The following PLCB1 variants were observed in gnomAD, a reference collection of about 807,000 sequenced individuals.
The protein encoded by PLCB1 is phospholipase C beta 1.
A neutral mutation model predicts 161.8 loss-of-function variants in PLCB1; 46 were observed. The observed-to-expected ratio is 0.28, with a 90% CI of 0.22 to 0.36. The LOEUF (loss-of-function observed/expected upper bound fraction) is 0.36, where lower values mean the gene tolerates loss of function less well. Ranked by LOEUF, PLCB1 falls within the 10% of genes least tolerant of loss-of-function variation. The pLI, the probability that PLCB1 is intolerant of heterozygous loss-of-function variation, is 1.00. For synonymous variants in PLCB1, 517 were observed against 503.7 expected (o/e 1.03, Z -0.35); for missense variants, 1,016 against 1,472.5 (o/e 0.69, Z 5.07).
intron 2 of PLCB1, among the ~76,000 whole-genome samples, chr20:8,211,040 G>C (rs958620611): frequency 6.6e-6 from 1 of 152,078 alleles, no homozygotes; most frequent in African/African-American, 2.4e-5. Flanking sequence ...CTCTACCACT[G>C]CCTCACTCTA....
intron 11 of PLCB1, 147 bp downstream of exon 11, chr20:8,697,930 C>A: frequency 4.7e-6 from 3 of 644,986 alleles, no homozygotes. Context: ...TAAAATTTGG[C>A]TGTTTATTCA....
intron 2 of PLCB1, among the ~76,000 whole-genome samples, chr20:8,307,489 A>C (rs1320814657): frequency 3.9e-5 from 6 of 152,088 alleles, no homozygotes; most frequent in Middle Eastern, 3.2e-3. Context: ...TTTTAATGTT[A>C]ATGAGGTTTT....
intron 2 of PLCB1, among the ~76,000 whole-genome samples, chr20:8,293,628 T>C (rs6055716): frequency 0.31 from 47,619 of 151,684 alleles, 7,601 homozygotes; most frequent in Middle Eastern, 0.38. Context: ...TTTTTTAGCA[T>C]TGCTTTTGTA....
chr20:8,340,570 C>T (rs1463936455), intron 2 of PLCB1, among the ~76,000 whole-genome samples: 1 of 151,964 alleles, frequency 6.6e-6, no homozygotes, highest in African/African-American at 2.4e-5. Context: ...CTACAGGCGC[C>T]CGCCACCACG....
chr20:8,645,965 A>G (rs1989157729), intron 4 of PLCB1, 137 bp from the exon 5 acceptor site: 1 of 573,204 alleles, frequency 1.7e-6, no homozygotes, highest in Non-Finnish European at 3.1e-6. Flanking sequence ...CAAAAAAGGG[A>G]TAATAATACA....
intron 2 of PLCB1, among the ~76,000 whole-genome samples, chr20:8,172,540 A>G (rs1323193750): frequency 6.6e-6 from 1 of 152,208 alleles, no homozygotes; most frequent in East Asian, 1.9e-4. Context: ...GGCGAATTAT[A>G]TTAGGTTTTT....
intron 9 of PLCB1, among the ~76,000 whole-genome samples, chr20:8,678,533 G>A (rs1456408020): frequency 6.6e-6 from 1 of 152,194 alleles, no homozygotes; most frequent in Non-Finnish European, 1.5e-5. Context: ...CTGGATGGCA[G>A]CCATAGAATA....
chr20:8,523,496 C>CTCTCTCTCTCTCTCTCTA, intron 3 of PLCB1, among the ~76,000 whole-genome samples: 32 of 51,654 alleles, frequency 6.2e-4, no homozygotes, highest in East Asian at 7.9e-4. Flanking sequence ...CTCTCTCTCT[C>CTCTCTCTCTCTCTCTCTA]TATATATATA....
intron 31 of PLCB1, among the ~76,000 whole-genome samples, chr20:8,813,946 C>T (rs917648625): frequency 5.3e-5 from 8 of 152,166 alleles, no homozygotes; most frequent in African/African-American, 1.9e-4. Context: ...TAGGTGAATG[C>T]CTGCCACAGC....
At chr20:8,807,760 C>T (rs1261826327) in intron 31 of PLCB1, among the ~76,000 whole-genome samples, 2 of 151,938 alleles carry the variant, frequency 1.3e-5, no homozygotes, top group African/African-American at 4.8e-5. Context: ...TAGCAACTAG[C>T]CACAAGTAGT....
chr20:8,245,676 C>T (rs1225426770), intron 2 of PLCB1, among the ~76,000 whole-genome samples: 1 of 151,796 alleles, frequency 6.6e-6, no homozygotes, highest in African/African-American at 2.4e-5. Flanking sequence ...TGGCCACTCA[C>T]AATACAGAGC....
At chr20:8,295,675 C>A (rs1983594709) in intron 2 of PLCB1, among the ~76,000 whole-genome samples, 2 of 152,024 alleles carry the variant, frequency 1.3e-5, no homozygotes, top group Admixed American at 1.3e-4. Context: ...TATTAGCTAT[C>A]ATTTGGCATT....
At chr20:8,479,939 T>A (rs1181518156) in intron 3 of PLCB1, among the ~76,000 whole-genome samples, 1 of 152,166 alleles carries the variant, frequency 6.6e-6, no homozygotes, top group African/African-American at 2.4e-5. Context: ...GATTTCTAGG[T>A]ATGGGATTTC....
intron 2 of PLCB1, among the ~76,000 whole-genome samples, chr20:8,277,190 G>A (rs1213287365): frequency 1.3e-5 from 2 of 151,426 alleles, no homozygotes; most frequent in Non-Finnish European, 2.9e-5. Context: ...TAGTAGAGAC[G>A]GGGTTTACAT....
rs776150139 is a variant in PLCB1 at position 8,732,570 on chromosome 20, TTATATTCTAATATATTGTATTAGATAG to T, written c.1889-666_1889-640del. Among the ~76,000 whole-genome samples, 593 of 146,754 alleles carry T rather than the reference TTATATTCTAATATATTGTATTAGATAG, an allele frequency of 4.0e-3. 6 individuals are homozygous for T. Among genetic ancestry groups the T allele is most frequent in the African/African-American group, 0.014 (539 of 39,548 alleles). On this transcript the variant is annotated intron_variant, in intron 18 of 31. Transcript: ENST00000338037. ...ATATTCTAATATATTGTATTAGATA[TTATATTCTAATATATTGTATTAGATAG>T]TGTATCATATTAGAAATTAGATATT...
chr20:8,446,214 T>C (rs1488225655), intron 3 of PLCB1, among the ~76,000 whole-genome samples: 1 of 152,144 alleles, frequency 6.6e-6, no homozygotes, highest in Non-Finnish European at 1.5e-5. Flanking sequence ...TACACCATGA[T>C]CAAGTGGGCT....
chr20:8,280,829 G>A (rs1982842148), intron 2 of PLCB1, among the ~76,000 whole-genome samples: 2 of 152,188 alleles, frequency 1.3e-5, no homozygotes, highest in South Asian at 4.1e-4. Context: ...CCTAGCCAGG[G>A]TAGCTGGCCT....
intron 3 of PLCB1, among the ~76,000 whole-genome samples, chr20:8,403,860 A>G (rs1315746443): frequency 1.3e-5 from 2 of 152,200 alleles, no homozygotes; most frequent in Admixed American, 1.3e-4. Context: ...GAGACTAACC[A>G]TATGGGAATG....
intron 3 of PLCB1, among the ~76,000 whole-genome samples, chr20:8,467,534 A>G (rs1981872901): frequency 6.6e-6 from 1 of 152,094 alleles, no homozygotes; most frequent in Non-Finnish European, 1.5e-5. Flanking sequence ...ATTTTCATGA[A>G]TATTTGGGCA....
Sources: allele counts gnomAD v4.1 joint callset (sites outside exome capture counted in the v4.1 genomes callset), GRCh38; gene constraint gnomAD v4.1.1; transcripts MANE v1.5; gene names NCBI Gene and HGNC (gene_info 2026-07-23, HGNC 2026-07-21).